Variants in PLSCR2 observed in about 807,000 individuals in gnomAD.
PLSCR2 encodes the protein PL scramblase 2.
PLSCR2 carries 18 observed loss-of-function variants against 25.3 expected under a neutral mutation model. The observed-to-expected ratio is 0.71, with a 90% CI of 0.49 to 1.06. The LOEUF (loss-of-function observed/expected upper bound fraction) is 1.06, where lower values mean the gene tolerates loss of function less well. PLSCR2 is among the 50% of genes least tolerant of loss of function. The pLI, the probability that PLSCR2 is intolerant of heterozygous loss-of-function variation, is 0.00. For missense variants in PLSCR2, 243 were observed against 269.5 expected, an observed-to-expected ratio of 0.90 and a Z score of 0.69; for synonymous variants, 88 against 87.3, an observed-to-expected ratio of 1.01 and a Z score of -0.04.
intron 1 of PLSCR2, among the ~76,000 whole-genome samples, chr3:146,482,823 C>T (rs946791897): frequency 2.0e-5 from 3 of 152,152 alleles, no homozygotes; most frequent in Admixed American, 6.5e-5. Flanking sequence ...TTGGAACCAA[C>T]CCAAATGTCC....
chr3:146,405,329 C>G (rs372771262), intron 2 of PLSCR2, among the ~76,000 whole-genome samples: 2 of 152,028 alleles, frequency 1.3e-5, no homozygotes, highest in Non-Finnish European at 2.9e-5. Context: ...TTGGGAATTG[C>G]GGATATAGCT....
At chr3:146,493,462 C>A (rs1195575849) in intron 1 of PLSCR2, among the ~76,000 whole-genome samples, 1 of 152,022 alleles carries the variant, frequency 6.6e-6, no homozygotes. Context: ...TCCTGTAATG[C>A]GAGATTGGTT....
chr3:146,441,369 AATT>A (rs1223177052), downstream of PLSCR2, among the ~76,000 whole-genome samples: 1 of 152,078 alleles, frequency 6.6e-6, no homozygotes, highest in Non-Finnish European at 1.5e-5. Flanking sequence ...ACATAAAATA[AATT>A]ATAACTAGCT....
At chr3:146,481,815 C>A (rs537159546) in intron 1 of PLSCR2, among the ~76,000 whole-genome samples, 209 of 152,300 alleles carry the variant, frequency 1.4e-3, no homozygotes, top group Middle Eastern at 3.4e-3. Context: ...CATCACACTA[C>A]CTGACTTCAA....
At chr3:146,438,803 T>A (rs529298609), downstream of PLSCR2, among the ~76,000 whole-genome samples, 1 of 152,192 alleles carries the variant, frequency 6.6e-6, no homozygotes, top group African/African-American at 2.4e-5. Context: ...ATGTGTGAAT[T>A]TGAACCTGTC....
chr3:146,483,658 G>A (rs1016970189), intron 1 of PLSCR2, among the ~76,000 whole-genome samples: 1 of 150,900 alleles, frequency 6.6e-6, no homozygotes, highest in African/African-American at 2.4e-5. Context: ...AGGGCCTGAA[G>A]TAAACCCCTA....
At chr3:146,430,992 C>G (rs1166466236), downstream of PLSCR2, among the ~76,000 whole-genome samples, 3 of 152,134 alleles carry the variant, frequency 2.0e-5, no homozygotes, top group African/African-American at 7.2e-5. Context: ...CACAGTGACA[C>G]AGGTCCTAGC....
intron 1 of PLSCR2, among the ~76,000 whole-genome samples, chr3:146,491,348 G>A (rs1326126390): frequency 6.6e-6 from 1 of 151,834 alleles, no homozygotes; most frequent in Non-Finnish European, 1.5e-5. Context: ...TGTTTTTCTT[G>A]TACAGTATCT....
In PLSCR2 at chr3:146,483,479, G is replaced by GTATATATATATA. The variant is rs56655616; in HGVS notation, c.-293+12404_-293+12415dup. 2.0e-3 allele frequency among the ~76,000 whole-genome samples: 112 copies of GTATATATATATA among 54,798 alleles called. 1 individual carries two copies. Among genetic ancestry groups the GTATATATATATA allele is most frequent in the African/African-American group, 6.1e-3 (72 of 11,896 alleles). 35.9% of individuals were successfully genotyped at this position (54,798 alleles called of 152,430 possible). Reference sequence around the variant, plus strand: ...TATATATATATATATATATACATGTGTATATATATATATATATATATATAT... The same window carrying GTATATATATATA: ...TATATATATATATATATATACATGTGTATATATATATATATATATATATATATATATATATAT... On this transcript the variant is annotated intron_variant, in intron 1 of 8. Transcript: ENST00000336685.
At chr3:146,467,942 A>G (rs1354022617) in intron 1 of PLSCR2, among the ~76,000 whole-genome samples, 1 of 152,158 alleles carries the variant, frequency 6.6e-6, no homozygotes, top group East Asian at 1.9e-4. Context: ...AGACCCTTAG[A>G]GATGAGGATG....
In PLSCR2 at chr3:146,402,498, C is replaced by T. The variant is rs576419534; in HGVS notation, c.101-6577G>A. Among the ~76,000 whole-genome samples the T allele has an allele frequency of 2.6e-5, 4 of 151,798 alleles. No individual in the cohort carries two copies. In the East Asian group the frequency reaches 5.8e-4, roughly 22 times the overall value. On this transcript the variant is annotated intron_variant and NMD_transcript_variant, in intron 2 of 3. Coordinates refer to the PLSCR2 transcript ENST00000463633. ...TTTTTTTCTTTTTGAGATGGAGTCT[C>T]ACTCTGTTGCCCAGGCTGGAGTGCA... is the stretch of plus-strand genomic sequence containing the variant.
chr3:146,487,773 C>T (rs2043398782), intron 1 of PLSCR2, among the ~76,000 whole-genome samples: 1 of 151,846 alleles, frequency 6.6e-6, no homozygotes, highest in Non-Finnish European at 1.5e-5. Context: ...TTTAATGCTA[C>T]TTCCATTAAA....
chr3:146,394,953 C>T (rs952176928), intron 3 of PLSCR2, among the ~76,000 whole-genome samples: 1 of 152,160 alleles, frequency 6.6e-6, no homozygotes, highest in Non-Finnish European at 1.5e-5. Context: ...TTTCCTGCCG[C>T]CTTGTGGAAA....
intron 1 of PLSCR2, among the ~76,000 whole-genome samples, chr3:146,485,130 G>C (rs2043295157): frequency 6.6e-6 from 1 of 151,220 alleles, no homozygotes; most frequent in Non-Finnish European, 1.5e-5. Context: ...AAAAAAAGCA[G>C]GGGTTGAGGG....
chr3:146,461,805 A>G, upstream of PLSCR2: 1 of 804,994 alleles, frequency 1.2e-6, no homozygotes, highest in Non-Finnish European at 2.1e-6. Flanking sequence ...AGGAGTTTGG[A>G]TTTTATCCCA....
intron 2 of PLSCR2, among the ~76,000 whole-genome samples, chr3:146,419,102 A>AT (rs200059391): frequency 0.041 from 6,217 of 151,924 alleles, 175 homozygotes; most frequent in Admixed American, 0.087. Context: ...TTCTCTCAAG[A>AT]TTTTTTTTCT....
At chr3:146,404,609 A>G (rs2038588222) in intron 2 of PLSCR2, among the ~76,000 whole-genome samples, 1 of 152,154 alleles carries the variant, frequency 6.6e-6, no homozygotes, top group South Asian at 2.1e-4. Context: ...CATTCCACCC[A>G]ATAGTCTCAA....
downstream of PLSCR2, among the ~76,000 whole-genome samples, chr3:146,432,872 TC>T (rs1318150639): frequency 6.6e-6 from 1 of 152,208 alleles, no homozygotes; most frequent in Admixed American, 6.6e-5. Flanking sequence ...TTCATTTTTG[TC>T]TGCTTTATGG....
At position 146,483,479 on chromosome 3, in the gene PLSCR2, G is replaced by GTGTA. The variant is rs571463617; in HGVS notation, c.-293+12415_-293+12416insTACA. ...TATATATATATATATATATACATGT[G>GTGTA]TATATATATATATATATATATATAT... On this transcript the variant is annotated intron_variant, in intron 1 of 8. Transcript: ENST00000336685. 5.7e-4 allele frequency among the ~76,000 whole-genome samples: 31 copies of GTGTA among 54,832 alleles called. No individual in the cohort carries two copies. The South Asian group carries it at 7.0e-3, about 12-fold the overall frequency. 36.0% of individuals were successfully genotyped at this position (54,832 alleles called of 152,430 possible).
Sources: allele counts gnomAD v4.1 joint callset (sites outside exome capture counted in the v4.1 genomes callset), GRCh38; gene constraint gnomAD v4.1.1; transcripts MANE v1.5; gene names NCBI Gene and HGNC (gene_info 2026-07-23, HGNC 2026-07-21).